The following CPAP variants were observed in gnomAD, a reference collection of about 807,000 sequenced individuals.
CPAP encodes the protein centrosome assembly and centriole elongation protein.
chr13:24,902,621 T>C, the CPAP span, among the ~76,000 whole-genome samples: 5 of 152,152 alleles, frequency 3.3e-5, no homozygotes, highest in African/African-American at 1.2e-4. Flanking sequence ...TTTTTCAGGT[T>C]TTAGAAAAGA....
the CPAP span, chr13:24,908,275 T>C: frequency 4.9e-6 from 3 of 615,054 alleles, no homozygotes; most frequent in Admixed American, 5.5e-5. Context: ...AATTCTTTAA[T>C]ATAATTAAGA....
At chr13:24,915,967 A>G in the CPAP span, among the ~76,000 whole-genome samples, 1 of 152,356 alleles carries the variant, frequency 6.6e-6, no homozygotes, top group South Asian at 2.1e-4. Flanking sequence ...TGGCAAAGCA[A>G]AGGTCATGAG....
At chr13:24,906,563 T>A in the CPAP span, 1 of 1,614,242 alleles carries the variant, frequency 6.2e-7, no homozygotes, top group Non-Finnish European at 8.5e-7. Context: ...GACTTTGTTT[T>A]CAAATTTGAT....
chr13:24,916,600 C>T, the CPAP span, among the ~76,000 whole-genome samples: 33 of 152,164 alleles, frequency 2.2e-4, no homozygotes, highest in Non-Finnish European at 7.4e-5. Flanking sequence ...TTTCACCATT[C>T]AACTTGAAGA....
At chr13:24,912,412 T>C in the CPAP span, among the ~76,000 whole-genome samples, 1 of 152,210 alleles carries the variant, frequency 6.6e-6, no homozygotes, top group African/African-American at 2.4e-5. Flanking sequence ...TTATTATAAG[T>C]GCTAATTAAA....
the CPAP span, chr13:24,883,832 C>T: frequency 1.1e-6 from 1 of 946,978 alleles, no homozygotes; most frequent in Non-Finnish European, 1.7e-6. Context: ...GCCTGTGGGA[C>T]ATTCATTCAA....
At chr13:24,906,067 T>C in the CPAP span, 1 of 1,613,710 alleles carries the variant, frequency 6.2e-7, no homozygotes, top group South Asian at 1.1e-5. Flanking sequence ...ATGAATGAAG[T>C]TGTTTGGGTG....
the CPAP span, chr13:24,912,482 G>T: frequency 9.8e-7 from 1 of 1,024,360 alleles, no homozygotes; most frequent in Non-Finnish European, 1.5e-6. Flanking sequence ...GGATTTCAGA[G>T]TGAAGGGGAA....
the CPAP span, among the ~76,000 whole-genome samples, chr13:24,914,812 G>A: frequency 1.3e-5 from 2 of 151,992 alleles, no homozygotes; most frequent in East Asian, 1.9e-4. Flanking sequence ...GGTAACTCAC[G>A]CCATAATCCC....
the CPAP span, chr13:24,913,230 G>A: frequency 3.6e-6 from 2 of 558,690 alleles, no homozygotes; most frequent in Non-Finnish European, 6.3e-6. Flanking sequence ...AAAGCAATTG[G>A]GCATTGAGCT....
chr13:24,913,112 C>A, the CPAP span: 1 of 1,176,460 alleles, frequency 8.5e-7, no homozygotes, highest in Non-Finnish European at 1.2e-6. Context: ...AAATAGCCAA[C>A]AAAATGTATT....
chr13:24,919,907 G>T, the CPAP span, among the ~76,000 whole-genome samples: 1 of 152,104 alleles, frequency 6.6e-6, no homozygotes, highest in Non-Finnish European at 1.5e-5. Flanking sequence ...GGGCCTACAG[G>T]TATGTGTCAC....
the CPAP span, among the ~76,000 whole-genome samples, chr13:24,909,278 G>A: frequency 6.6e-6 from 1 of 152,210 alleles, no homozygotes. Context: ...TGCAATCCCA[G>A]TACTTTGGGA....
chr13:24,907,082 A>G, the CPAP span: 2 of 1,611,998 alleles, frequency 1.2e-6, no homozygotes, highest in Admixed American at 1.7e-5. Flanking sequence ...GAAGAGCACA[A>G]TTGCTGACCT....
At chr13:24,918,459 G>A in the CPAP span, among the ~76,000 whole-genome samples, 846 of 152,306 alleles carry the variant, frequency 5.6e-3, 22 homozygotes, top group East Asian at 0.081. Flanking sequence ...AAATCTAAGT[G>A]TAACTTTGAC....
the CPAP span, among the ~76,000 whole-genome samples, chr13:24,909,000 G>A: frequency 2.0e-5 from 3 of 152,088 alleles, no homozygotes; most frequent in South Asian, 4.2e-4. Context: ...GTAAAGATAA[G>A]GATATACATG....
the CPAP span, among the ~76,000 whole-genome samples, chr13:24,908,495 T>C: frequency 7.1e-6 from 1 of 140,002 alleles, no homozygotes; most frequent in Non-Finnish European, 1.5e-5. Context: ...ATGCCTGTAA[T>C]CCCAGCTACC....
At chr13:24,912,583 T>C in the CPAP span, 1 of 1,612,284 alleles carries the variant, frequency 6.2e-7, no homozygotes, top group East Asian at 2.2e-5. Flanking sequence ...CTATTGTACC[T>C]GTTCAAGTTT....
At chr13:24,907,952 G>A in the CPAP span, 2 of 1,149,244 alleles carry the variant, frequency 1.7e-6, no homozygotes, top group Non-Finnish European at 2.6e-6. Flanking sequence ...CAAAGAAAGT[G>A]TTCAATAATA....
Sources: gnomAD v4.1 joint callset for allele counts (sites outside exome capture counted in the v4.1 genomes callset) on GRCh38, gnomAD v4.1.1 for gene constraint, MANE v1.5 for transcripts, NCBI Gene and HGNC (gene_info 2026-07-23, HGNC 2026-07-21) for gene names.